Variants in HAPLN2 observed in about 807,000 individuals in gnomAD.
HAPLN2 encodes hyaluronan and proteoglycan link protein 2, also known as brain link protein-1.
Under a neutral mutation model 29.3 loss-of-function variants are expected in HAPLN2, and 27 were observed. The ratio of observed to expected loss-of-function variants is 0.92; its 90% CI spans 0.68 to 1.27. The LOEUF (loss-of-function observed/expected upper bound fraction) is 1.27. Ranked by LOEUF, HAPLN2 falls within the 50% of genes most tolerant of loss-of-function variation. HAPLN2 has a pLI of 0.00. For synonymous variants in HAPLN2, 208 were observed against 211.7 expected (o/e 0.98, Z 0.15); for missense variants, 454 against 484.3 (o/e 0.94, Z 0.59).
chr1:156,603,950 C>T, the HAPLN2 span, among the ~76,000 whole-genome samples: 1 of 152,138 alleles, frequency 6.6e-6, no homozygotes, highest in Non-Finnish European at 1.5e-5. Flanking sequence ...CCCCTGGGAG[C>T]TTCTTGAAGA....
At chr1:156,608,328 C>T in the HAPLN2 span, among the ~76,000 whole-genome samples, 1 of 152,130 alleles carries the variant, frequency 6.6e-6, no homozygotes, top group African/African-American at 2.4e-5. Context: ...CCCTTGGTGT[C>T]ATCATTCTCT....
upstream of HAPLN2, among the ~76,000 whole-genome samples, chr1:156,614,509 C>T (rs1191216878): frequency 6.6e-6 from 1 of 152,140 alleles, no homozygotes; most frequent in Non-Finnish European, 1.5e-5. Flanking sequence ...GGTGTGAACA[C>T]GGCACCCAGC....
chr1:156,613,940 A>G, the HAPLN2 span, among the ~76,000 whole-genome samples: 7 of 151,436 alleles, frequency 4.6e-5, no homozygotes, highest in Non-Finnish European at 4.4e-5. Flanking sequence ...AAAGAAGAAA[A>G]GAAAAAAGAA....
chr1:156,609,777 G>A, the HAPLN2 span, among the ~76,000 whole-genome samples: 1 of 152,148 alleles, frequency 6.6e-6, no homozygotes, highest in East Asian at 1.9e-4. Flanking sequence ...AGGGTGGGAG[G>A]AGGGTGAGGA....
chr1:156,623,037 A>AAAAAAAAAAAAAAAAAAT (rs551908025), intron 2 of HAPLN2, among the ~76,000 whole-genome samples: 1 of 111,424 alleles, frequency 9.0e-6, no homozygotes, highest in African/African-American at 3.2e-5. Flanking sequence ...CTGTCTCAAA[A>AAAAAAAAAAAAAAAAAAT]AAATAAATAA....
intron 2 of HAPLN2, 22 bp from the exon 3 acceptor site, chr1:156,623,445 G>A (rs558442010): frequency 1.2e-6 from 2 of 1,604,018 alleles, no homozygotes; most frequent in Admixed American, 1.7e-5. Context: ...CCTAAGAACT[G>A]CCCACTCTTT....
At chr1:156,622,848 A>T (rs1216233339) in intron 2 of HAPLN2, among the ~76,000 whole-genome samples, 2 of 151,738 alleles carry the variant, frequency 1.3e-5, no homozygotes, top group Non-Finnish European at 2.9e-5. Flanking sequence ...TCAACACAGC[A>T]TGACCTTGTC....
Position 156,625,491 on chromosome 1 carries a change from G to C in HAPLN2, c.*107G>C. The C allele has an allele frequency of 5.8e-6, 7 of 1,213,602 alleles. No homozygotes were observed. Among genetic ancestry groups the C allele is most frequent in the South Asian group, 5.1e-5 (3 of 58,548 alleles). 75.2% of individuals were successfully genotyped at this position (1,213,602 alleles called of 1,614,324 possible). ...CCTCCCCTCCCTCCAGACCCGGAGC[G>C]GCCTCTCCAGACCTGCCTTCCCAGC... On this transcript the variant is annotated 3_prime_UTR_variant, in exon 7 of 7. Coordinates refer to ENST00000255039, the MANE Select transcript of HAPLN2 (RefSeq NM_021817.3). The surrounding 1 kb of genome is among the most constrained non-coding windows in gnomAD (Gnocchi z 5.7).
the HAPLN2 span, among the ~76,000 whole-genome samples, chr1:156,604,346 G>A: frequency 0.036 from 5,446 of 149,734 alleles, 348 homozygotes; most frequent in African/African-American, 0.13. Flanking sequence ...AGGCTGGAGT[G>A]CAGTGGCACG....
chr1:156,601,517 A>C, the HAPLN2 span: 2 of 1,521,684 alleles, frequency 1.3e-6, no homozygotes, highest in Non-Finnish European at 1.8e-6. Flanking sequence ...AACCATAGAG[A>C]CGTCCGCGGG....
At chr1:156,617,584 G>A (rs1185807743), upstream of HAPLN2, among the ~76,000 whole-genome samples, 1 of 151,498 alleles carries the variant, frequency 6.6e-6, no homozygotes, top group Non-Finnish European at 1.5e-5. Flanking sequence ...CCTGACCTCA[G>A]GTGATCCGCC....
At chr1:156,618,050 A>AT (rs1372598613), upstream of HAPLN2, among the ~76,000 whole-genome samples, 1 of 152,048 alleles carries the variant, frequency 6.6e-6, no homozygotes, top group African/African-American at 2.4e-5. Flanking sequence ...TAATCCCAGC[A>AT]TTTGGGGAGG....
rs1678428129 is a variant in HAPLN2 at position 156,625,680 on chromosome 1, A to G, written c.*296A>G. The G allele has an allele frequency of 5.1e-6, 2 of 390,196 alleles. No individual in the cohort carries two copies. Among genetic ancestry groups the G allele is most frequent in the Non-Finnish European group, 9.1e-6 (2 of 218,790 alleles). The allele number at this position is 390,196 out of a possible 1,614,324, so 24.2% of individuals were successfully genotyped here. A position where few individuals can be genotyped will look rare whatever the true frequency, so the allele number is the denominator to read the frequency against. On this transcript the variant is annotated 3_prime_UTR_variant, in exon 7 of 7. Coordinates refer to ENST00000255039, the MANE Select transcript of HAPLN2 (RefSeq NM_021817.3). The surrounding 1 kb of genome is among the most constrained non-coding windows in gnomAD (Gnocchi z 5.7). The stretch of plus-strand genomic sequence containing the variant: ...GGGGGAGGGTGAGGCGGCCGGGGGC[A>G]TTAACTGACCTCTGAGTACAGCAAT...
In HAPLN2 at chr1:156,625,170, C is replaced by T; in HGVS notation, c.809C>T (p.Ala270Val). ...CACGCGGCGTGCCGGCGACGCGGCG[C>T]CGTGGTGGCCAAGGTTGGGCACCTC... ...EAHAACRRRG[A>V]VVAKVGHLYA... The change falls in exon 7 of 7, where the codon GCC (alanine) becomes GTC (valine). Residue 270 changes from alanine to valine, a missense_variant. Physicochemically the swap from Ala to Val is moderately conservative, Grantham distance 64. Around this residue, in one of 3 missense-constraint regions of HAPLN2, gnomAD observed 235 missense variants for 236.9 expected, o/e 0.99. Transcript: ENST00000255039. This position sits in a 1 kb window ranked among gnomAD's most constrained non-coding sequence, Gnocchi z 5.7. The T allele has an allele frequency of 6.5e-7, 1 of 1,545,962 alleles. No individual in the cohort carries two copies. The highest frequency in any genetic ancestry group is 8.7e-7 in the Non-Finnish European group (1 of 1,147,194).
chr1:156,610,545 C>T, the HAPLN2 span, among the ~76,000 whole-genome samples: 2 of 151,624 alleles, frequency 1.3e-5, no homozygotes, highest in Admixed American at 1.3e-4. Flanking sequence ...GAGGCTAAGG[C>T]AGGAGAATCG....
chr1:156,602,652 G>A, the HAPLN2 span, among the ~76,000 whole-genome samples: 1 of 151,168 alleles, frequency 6.6e-6, no homozygotes, highest in South Asian at 2.1e-4. Flanking sequence ...GTGGGAGTGA[G>A]GGGAGGGCGG....
chr1:156,613,234 C>T, the HAPLN2 span, among the ~76,000 whole-genome samples: 2 of 152,028 alleles, frequency 1.3e-5, no homozygotes, highest in Non-Finnish European at 2.9e-5. Context: ...ACCTGTAATC[C>T]CAGCTACTCA....
upstream of HAPLN2, among the ~76,000 whole-genome samples, chr1:156,617,252 T>C (rs1678080541): frequency 6.6e-6 from 1 of 151,972 alleles, no homozygotes; most frequent in African/African-American, 2.4e-5. Context: ...ACTCAATGAC[T>C]GTATTGTGCG....
At chr1:156,623,678 T>G in intron 3 of HAPLN2, 103 bp downstream of exon 3, 1 of 1,549,056 alleles carries the variant, frequency 6.5e-7, no homozygotes, top group Non-Finnish European at 8.7e-7. Flanking sequence ...GGACTGAAAG[T>G]CATTGCTGAG....
Sources: gnomAD v4.1 joint callset for allele counts (sites outside exome capture counted in the v4.1 genomes callset) on GRCh38, gnomAD v4.1.1 for gene constraint, gnomAD v4.1.1 regional missense constraint, Gnocchi (gnomAD v3.1) non-coding constraint, MANE v1.5 for transcripts, NCBI Gene and HGNC (gene_info 2026-07-23, HGNC 2026-07-21) for gene names.